STRBP: variants seen among roughly 807,000 people sequenced by gnomAD.
STRBP encodes the protein spermatid perinuclear RNA-binding protein.
STRBP carries 13 observed loss-of-function variants against 80.1 expected under a neutral mutation model. That is an observed-to-expected ratio of 0.16 (90% CI 0.11 to 0.26). The LOEUF (loss-of-function observed/expected upper bound fraction) is 0.26. STRBP is among the 10% of genes least tolerant of loss of function. The pLI is 1.00. For synonymous variants in STRBP, 284 were observed against 291.2 expected, an observed-to-expected ratio of 0.98 and a Z score of 0.25; for missense variants, 485 against 815.2, an observed-to-expected ratio of 0.59 and a Z score of 4.93.
intron 2 of STRBP, among the ~76,000 whole-genome samples, chr9:123,211,994 C>G (rs181672217): frequency 6.6e-6 from 1 of 152,246 alleles, no homozygotes; most frequent in African/African-American, 2.4e-5. Context: ...TCAAAAAGAA[C>G]CTTCTTACTC....
At chr9:123,211,154 G>A (rs920022147) in intron 2 of STRBP, among the ~76,000 whole-genome samples, 3 of 152,054 alleles carry the variant, frequency 2.0e-5, no homozygotes, top group African/African-American at 4.8e-5. Context: ...TCCATTCACA[G>A]GTAAATGAAT....
intron 1 of STRBP, among the ~76,000 whole-genome samples, chr9:123,249,474 T>C (rs1314706246): frequency 1.3e-5 from 2 of 151,428 alleles, no homozygotes; most frequent in Admixed American, 6.6e-5. Context: ...ACTCCATCTG[T>C]ACAAAAAAAT....
At position 123,125,063 on chromosome 9, in the gene STRBP, T is replaced by G; in HGVS notation, c.*534A>C. On this transcript the variant is annotated 3_prime_UTR_variant, in exon 19 of 19. Coordinates refer to ENST00000348403, the MANE Select transcript of STRBP (RefSeq NM_018387.5). ...ATTCAAACCCATATTTTATTGGCTT[T>G]ATTACACACTTCAATATTTACAAAG... 2 of 985,376 alleles carry G rather than the reference T, an allele frequency of 2.0e-6. No homozygotes were observed. Among genetic ancestry groups the G allele is most frequent in the Non-Finnish European group, 2.4e-6 (2 of 829,460 alleles). 61.0% of individuals were successfully genotyped at this position (985,376 alleles called of 1,614,324 possible).
At chr9:123,198,563 A>G (rs1459431654) in intron 2 of STRBP, among the ~76,000 whole-genome samples, 2 of 151,294 alleles carry the variant, frequency 1.3e-5, no homozygotes, top group South Asian at 2.1e-4. Context: ...TTGCCTGTTT[A>G]CTCTATTATT....
At chr9:123,158,528 GAA>G (rs142605162) in intron 9 of STRBP, 99 bp from the exon 10 acceptor site, 7 of 879,778 alleles carry the variant, frequency 8.0e-6, no homozygotes, top group Non-Finnish European at 1.2e-5. Context: ...AAGAGAAAAT[GAA>G]AAAAAAAACT....
intron 2 of STRBP, among the ~76,000 whole-genome samples, chr9:123,231,603 C>T (rs1304933579): frequency 6.6e-6 from 1 of 152,074 alleles, no homozygotes; most frequent in African/African-American, 2.4e-5. Context: ...TCTTAAGATT[C>T]CTCCCCTTCT....
intron 12 of STRBP, 41 bp downstream of exon 12, chr9:123,147,737 C>A: frequency 7.1e-7 from 1 of 1,416,164 alleles, no homozygotes; most frequent in Non-Finnish European, 9.7e-7. Context: ...AGCTACAAGT[C>A]CTCTCTAGTT....
intron 2 of STRBP, among the ~76,000 whole-genome samples, chr9:123,234,081 G>A (rs1255350160): frequency 6.6e-6 from 1 of 151,560 alleles, no homozygotes; most frequent in East Asian, 1.9e-4. Flanking sequence ...GGCGCCTGTA[G>A]TCCCAGCTAC....
rs771097030 is a variant in STRBP, at chr9:123,173,865, T to G, written c.225-23A>C. On this transcript the variant is annotated intron_variant, in intron 4 of 18. Transcript: ENST00000348403. ...TCCCTAAAAATAAAAGTCTGCATGA[T>G]TACTTTCACAACCTATTTCCCAAAC... is the stretch of plus-strand genomic sequence containing the variant. 6 of 1,576,626 alleles carry G rather than the reference T, an allele frequency of 3.8e-6. No individual in the cohort carries two copies. The African/African-American group carries it at 8.3e-5, about 22-fold the overall frequency.
intron 5 of STRBP, among the ~76,000 whole-genome samples, chr9:123,170,429 A>C (rs552782780): frequency 4.6e-5 from 7 of 152,350 alleles, no homozygotes; most frequent in Middle Eastern, 3.4e-3. Flanking sequence ...CTGCTCTCCA[A>C]AACAATAGCT....
intron 6 of STRBP, among the ~76,000 whole-genome samples, chr9:123,169,027 A>C (rs1271279827): frequency 6.6e-6 from 1 of 152,112 alleles, no homozygotes; most frequent in Admixed American, 6.6e-5. Flanking sequence ...CCTAAAAAAA[A>C]ATTTACTAAA....
At chr9:123,224,924 T>C (rs980928702) in intron 2 of STRBP, among the ~76,000 whole-genome samples, 3 of 152,230 alleles carry the variant, frequency 2.0e-5, no homozygotes, top group Non-Finnish European at 4.4e-5. Flanking sequence ...TTCATAGCAG[T>C]ACTTACTTGC....
intron 1 of STRBP, among the ~76,000 whole-genome samples, chr9:123,243,265 C>CAAAAAAAAAAAAAAAAAAAAAAAAA (rs1160280485): frequency 8.9e-5 from 7 of 78,928 alleles, no homozygotes; most frequent in Non-Finnish European, 1.4e-4. Context: ...ATCAATAAGA[C>CAAAAAAAAAAAAAAAAAAAAAAAAA]AAAAAAAAAA....
chr9:123,166,371 C>A (rs2037758509), intron 6 of STRBP, among the ~76,000 whole-genome samples: 1 of 152,152 alleles, frequency 6.6e-6, no homozygotes, highest in African/African-American at 2.4e-5. Flanking sequence ...TACATAAATT[C>A]TCTCACTTAA....
chr9:123,258,691 C>G (rs1293629475), intron 1 of STRBP, among the ~76,000 whole-genome samples: 1 of 151,674 alleles, frequency 6.6e-6, no homozygotes, highest in Non-Finnish European at 1.5e-5. Context: ...GTCGTCCCAG[C>G]TACTCAGGAG....
chr9:123,135,387 T>G lies in STRBP; in HGVS notation c.1773+654A>C, dbSNP rs187181353. Among the ~76,000 whole-genome samples, 411 of 152,340 alleles carry G rather than the reference T, an allele frequency of 2.7e-3. 2 individuals carry two copies. Among genetic ancestry groups the G allele is most frequent in the Non-Finnish European group, 3.4e-3 (230 of 68,038 alleles). On this transcript the variant is annotated intron_variant, in intron 16 of 18. Transcript: ENST00000348403. ...CAATGTGTCTTATATTTACTTACTC[T>G]TTCCCTCACTATCAGGCATATGATG...
At chr9:123,233,450 GT>G (rs2040455452) in intron 2 of STRBP, among the ~76,000 whole-genome samples, 1 of 152,202 alleles carries the variant, frequency 6.6e-6, no homozygotes, top group East Asian at 1.9e-4. Context: ...ATGTCAAAAT[GT>G]TTAGGGGTAA....
chr9:123,247,818 T>A (rs2040829178), intron 1 of STRBP, among the ~76,000 whole-genome samples: 1 of 152,234 alleles, frequency 6.6e-6, no homozygotes, highest in Admixed American at 6.5e-5. Flanking sequence ...ATGGAGAATT[T>A]AGATGTCGTA....
chr9:123,208,818 C>G (rs1003556647), intron 2 of STRBP, among the ~76,000 whole-genome samples: 5 of 152,172 alleles, frequency 3.3e-5, no homozygotes, highest in Non-Finnish European at 5.9e-5. Context: ...CCATCATGGA[C>G]AGCCCAACAC....
Sources: allele counts gnomAD v4.1 joint callset (sites outside exome capture counted in the v4.1 genomes callset), GRCh38; gene constraint gnomAD v4.1.1; transcripts MANE v1.5; gene names NCBI Gene and HGNC (gene_info 2026-07-23, HGNC 2026-07-21).